The following RGS3 variants were observed in gnomAD, a reference collection of about 807,000 sequenced individuals.
RGS3 encodes regulator of G-protein signalling 3.
RGS3 carries 80 observed loss-of-function variants against 132.6 expected under a neutral mutation model. That is an observed-to-expected ratio of 0.60 (90% CI 0.50 to 0.73). The LOEUF is 0.73. Ranked by LOEUF, RGS3 falls within the 30% of genes least tolerant of loss-of-function variation. RGS3 has a pLI of 0.00. For missense variants in RGS3, 1,382 were observed against 1,530.8 expected (o/e 0.90, Z 1.62); for synonymous variants, 598 against 620.6 (o/e 0.96, Z 0.54).
In RGS3 at chr9:113,463,246, G is replaced by A. The variant is rs1470464422; in HGVS notation, c.415+1045G>A. On this transcript the variant is annotated intron_variant, in intron 3 of 24. Coordinates refer to ENST00000350696, the Ensembl canonical transcript of RGS3. This position sits in a 1 kb window ranked among gnomAD's most constrained non-coding sequence, Gnocchi z 4.6. The stretch of plus-strand genomic sequence containing the variant: ...TCCAGGATGCAGGGTTTGGGAAGAG[G>A]ATGCAGCATGGTGGGGGGCGACCTG... Among the ~76,000 whole-genome samples the A allele has an allele frequency of 6.6e-6, 1 of 152,228 alleles. No homozygotes were observed. The highest frequency in any genetic ancestry group is 1.5e-5 in the Non-Finnish European group (1 of 68,038).
intron 19 of RGS3, among the ~76,000 whole-genome samples, chr9:113,547,910 C>T (rs1241920010): frequency 2.0e-5 from 3 of 152,150 alleles, no homozygotes; most frequent in Non-Finnish European, 4.4e-5. Flanking sequence ...ATATGGTTTT[C>T]TACTGTTTCT....
intron 18 of RGS3, among the ~76,000 whole-genome samples, chr9:113,533,023 C>T (rs1832535750): frequency 6.6e-6 from 1 of 152,150 alleles, no homozygotes; most frequent in Non-Finnish European, 1.5e-5. Flanking sequence ...ATGAGACCTC[C>T]CCAGGTGTTG....
chr9:113,511,315 G>A (rs942230139), intron 14 of RGS3, among the ~76,000 whole-genome samples: 6 of 152,068 alleles, frequency 3.9e-5, no homozygotes, highest in Admixed American at 2.6e-4. Flanking sequence ...TGATATGGGG[G>A]TTTGGACCAG....
chr9:113,456,976 T>C (rs1829376150), upstream of RGS3, among the ~76,000 whole-genome samples: 1 of 152,170 alleles, frequency 6.6e-6, no homozygotes. Flanking sequence ...TTTTGTATTT[T>C]AGTAGAGATG....
chr9:113,597,361 C>T (rs1290249800), exon 25 of RGS3: 2 of 162,170 alleles, frequency 1.2e-5, no homozygotes, highest in African/African-American at 2.4e-5. Flanking sequence ...CAGCTCAGAC[C>T]CCCACTTTGA....
rs1258261261 is a variant in RGS3, at chr9:113,506,163, A to C, written c.980-225A>C. 6.6e-6 allele frequency among the ~76,000 whole-genome samples: 1 copy of C among 152,028 alleles called. No individual in the cohort carries two copies. The highest frequency in any genetic ancestry group is 1.5e-5 in the Non-Finnish European group (1 of 67,988). On this transcript the variant is annotated intron_variant, in intron 11 of 24. Coordinates refer to ENST00000350696, the Ensembl canonical transcript of RGS3. The surrounding 1 kb of genome is among the most constrained non-coding windows in gnomAD (Gnocchi z 4.7). ...GAGGTAAGCCAGCAGTAGGGGAGGT[A>C]AGCCAGCAGTAGGGGAGGCAAGCAG...
At position 113,579,970 on chromosome 9, in the gene RGS3, C is replaced by T. The variant is rs1834711883; in HGVS notation, c.2038-3480C>T. On this transcript the variant is annotated intron_variant, in intron 19 of 24. Coordinates refer to ENST00000350696, the Ensembl canonical transcript of RGS3. This position sits in a 1 kb window ranked among gnomAD's most constrained non-coding sequence, Gnocchi z 4.3. ...CCTCCCCCTCATCTTTGCCTCCCCTCCTGCCCTAATTTTCTCCTACACTTG... is the reference window on the plus strand; with the variant it reads ...CCTCCCCCTCATCTTTGCCTCCCCTTCTGCCCTAATTTTCTCCTACACTTG... Among the ~76,000 whole-genome samples the T allele has an allele frequency of 6.6e-6, 1 of 152,230 alleles. No homozygotes were observed. Among genetic ancestry groups the T allele is most frequent in the African/African-American group, 2.4e-5 (1 of 41,452 alleles).
chr9:113,461,531 A>C (rs1175524509), intron 1 of RGS3, among the ~76,000 whole-genome samples: 7 of 152,172 alleles, frequency 4.6e-5, no homozygotes. Flanking sequence ...GTGGTGGTGA[A>C]GGTGATACCA....
At chr9:113,476,527 G>A (rs1180431411) in intron 3 of RGS3, among the ~76,000 whole-genome samples, 4 of 152,196 alleles carry the variant, frequency 2.6e-5, no homozygotes, top group Admixed American at 1.3e-4. Context: ...GCTGGGTTTG[G>A]TTTCTCTGCT....
At chr9:113,453,230 CATTATATGATTACATAATATACTCATT>C in intron 1 of RGS3, among the ~76,000 whole-genome samples, 1 of 97,498 alleles carries the variant, frequency 1.0e-5, no homozygotes. Flanking sequence ...ATAATATACT[CATTATATGATTACATAATATACTCATT>C]ATATGATTAC....
At chr9:113,449,990 C>T (rs1829202959) in intron 1 of RGS3, among the ~76,000 whole-genome samples, 1 of 151,884 alleles carries the variant, frequency 6.6e-6, no homozygotes, top group Non-Finnish European at 1.5e-5. Flanking sequence ...GGTGATCTGC[C>T]CACCTCGGCC....
chr9:113,452,525 C>T (rs1829267085), intron 1 of RGS3, among the ~76,000 whole-genome samples: 1 of 151,236 alleles, frequency 6.6e-6, no homozygotes, highest in South Asian at 2.1e-4. Flanking sequence ...GCTCAGAGTT[C>T]ATTGACCTTC....
At chr9:113,470,172 A>AAG (rs3033237) in intron 3 of RGS3, among the ~76,000 whole-genome samples, 144,011 of 152,184 alleles carry the variant, frequency 0.95, 68,219 homozygotes, top group East Asian at 1. Flanking sequence ...TGGCCTCCCA[A>AAG]AGAGTCAATT....
intron 10 of RGS3, among the ~76,000 whole-genome samples, chr9:113,503,819 G>A (rs960853324): frequency 6.6e-6 from 1 of 152,166 alleles, no homozygotes; most frequent in Non-Finnish European, 1.5e-5. Flanking sequence ...GGCTCCTGGC[G>A]TCTTCCCTGG....
intron 17 of RGS3, among the ~76,000 whole-genome samples, chr9:113,524,408 T>A (rs1832103523): frequency 6.6e-6 from 1 of 152,180 alleles, no homozygotes; most frequent in Non-Finnish European, 1.5e-5. Context: ...TAATATGCCC[T>A]GGTTGGTACA....
intron 1 of RGS3, among the ~76,000 whole-genome samples, chr9:113,451,115 T>G (rs951799045): frequency 3.3e-5 from 5 of 149,752 alleles, no homozygotes; most frequent in Non-Finnish European, 7.4e-5. Context: ...GAGGCGGAGC[T>G]TGCAGTGAGC....
intron 10 of RGS3, among the ~76,000 whole-genome samples, chr9:113,502,693 G>T (rs922194222): frequency 3.9e-5 from 6 of 152,248 alleles, no homozygotes; most frequent in African/African-American, 1.4e-4. Context: ...TGGGCATGCT[G>T]GCTGTCAGAG....
chr9:113,536,946 T>G, intron 19 of RGS3, 28 bp downstream of exon 17: 1 of 1,605,824 alleles, frequency 6.2e-7, no homozygotes, highest in South Asian at 1.1e-5. Flanking sequence ...GGCTGTGGCC[T>G]GGCTGCCTCG....
At chr9:113,456,807 A>T (rs983231544), upstream of RGS3, among the ~76,000 whole-genome samples, 4 of 149,988 alleles carry the variant, frequency 2.7e-5, no homozygotes, top group Non-Finnish European at 4.5e-5. Context: ...TGATTTATTT[A>T]TTTTTTTTTT....
Sources: gnomAD v4.1 joint callset for allele counts (sites outside exome capture counted in the v4.1 genomes callset) on GRCh38, gnomAD v4.1.1 for gene constraint, Gnocchi (gnomAD v3.1) non-coding constraint, MANE v1.5 for transcripts, NCBI Gene and HGNC (gene_info 2026-07-23, HGNC 2026-07-21) for gene names.